BICRA: variants seen among roughly 807,000 people sequenced by gnomAD.
BICRA encodes the protein BRD4 interacting chromatin remodeling complex associated protein.
In BICRA, 31 loss-of-function variants were observed where a neutral mutation model predicts 96.9. The ratio of observed to expected loss-of-function variants is 0.32; its 90% confidence interval spans 0.24 to 0.43. The LOEUF (loss-of-function observed/expected upper bound fraction) is 0.43, where lower values mean the gene tolerates loss of function less well. Among genes scored for constraint, BICRA ranks in the 20% least tolerant of loss-of-function variants. BICRA has a pLI of 1.00. For missense variants in BICRA, 2,283 were observed against 2,190.3 expected (o/e 1.04, Z -0.84); for synonymous variants, 1,350 against 1,071.8 (o/e 1.26, Z -5.07).
At position 47,610,608 on chromosome 19, in the gene BICRA, A is replaced by AC. The variant is rs35080234; in HGVS notation, c.-108+1450dup. ...GTCCTGACCATCGTCCCCTTTTGTC[A>AC]CCCCCCCCCCACACACACACCTACC... On this transcript the variant is annotated intron_variant, in intron 1 of 14. Transcript: ENST00000594866. 1.2e-3 allele frequency among the ~76,000 whole-genome samples: 168 copies of AC among 135,060 alleles called. 2 individuals are homozygous for AC. Among genetic ancestry groups the AC allele is most frequent in the East Asian group, 2.7e-3 (12 of 4,504 alleles). 88.6% of individuals were successfully genotyped at this position (135,060 alleles called of 152,430 possible).
At chr19:47,623,961 C>T (rs114364806) in intron 1 of BICRA, among the ~76,000 whole-genome samples, 1,524 of 151,824 alleles carry the variant, frequency 0.01, 27 homozygotes, top group African/African-American at 0.034. Flanking sequence ...AAGAGATTCT[C>T]GTGCCTCAGC....
At chr19:47,685,077 C>T (rs1484834726) in intron 7 of BICRA, among the ~76,000 whole-genome samples, 1 of 152,124 alleles carries the variant, frequency 6.6e-6, no homozygotes, top group African/African-American at 2.4e-5. Flanking sequence ...TTAAGTGATC[C>T]TCCCACCTCA....
At chr19:47,638,843 C>T (rs1383964548) in intron 1 of BICRA, among the ~76,000 whole-genome samples, 3 of 151,870 alleles carry the variant, frequency 2.0e-5, no homozygotes, top group Admixed American at 6.6e-5. Context: ...TCAGTAGAAA[C>T]GGGGTTTCAC....
At chr19:47,641,070 A>ATTTTTTTTTTTTTTTTTTTTTTTTTTTT (rs71180861) in intron 1 of BICRA, among the ~76,000 whole-genome samples, 1 of 104,550 alleles carries the variant, frequency 9.6e-6, no homozygotes, top group African/African-American at 3.9e-5. Flanking sequence ...TGCCTGGCTA[A>ATTTTTTTTTTTTTTTTTTTTTTTTTTTT]TTTTTTTTTT....
intron 7 of BICRA, among the ~76,000 whole-genome samples, chr19:47,685,759 G>A (rs1187629197): frequency 7.9e-6 from 1 of 126,822 alleles, no homozygotes; most frequent in Non-Finnish European, 1.6e-5. Context: ...GTGTGTGTGT[G>A]TGTGTGTGTG....
Position 47,681,323 on chromosome 19 carries a change from G to C in BICRA, c.2106+47G>C, listed in dbSNP as rs561964673. The C allele has an allele frequency of 2.7e-6, 4 of 1,489,404 alleles. No individual in the cohort carries two copies. The Admixed American group carries it at 5.9e-5, about 22-fold the overall frequency. The allele number at this position is 1,489,404 out of a possible 1,614,324, so 92.3% of individuals were successfully genotyped here. On this transcript the variant is annotated intron_variant, in intron 6 of 14. Transcript: ENST00000594866. ...AGCAGGTACCGGAGGAGGCGGGTTT[G>C]GGAGGAAGAGGGGTCCTGGGGCGAG... is the stretch of plus-strand genomic sequence containing the variant.
rs549577847 is a variant in BICRA, at chr19:47,626,571, G to GTTT, written c.-108+17420_-108+17422dup. ...GCCACCATGGCCCGCTAATTTTTTG[G>GTTT]TTTTTTTTTTTTTTTTTTTAGAGAC... is the stretch of plus-strand genomic sequence containing the variant. On this transcript the variant is annotated intron_variant, in intron 1 of 14. Coordinates refer to ENST00000594866, the MANE Select transcript of BICRA (RefSeq NM_001394372.1). Among the ~76,000 whole-genome samples the GTTT allele has an allele frequency of 5.6e-3, 708 of 126,588 alleles. 9 individuals carry two copies. Among genetic ancestry groups the GTTT allele is most frequent in the South Asian group, 0.012 (48 of 3,884 alleles). The allele number at this position is 126,588 out of a possible 152,430, so 83.0% of individuals were successfully genotyped here.
In BICRA at chr19:47,699,387, C is replaced by T. The variant is rs752814980; in HGVS notation, c.3577C>T (p.Leu1193=). 5.1e-6 allele frequency: 8 copies of T among 1,559,380 alleles called. No individual in the cohort carries two copies. In the East Asian group the frequency reaches 1.4e-4, roughly 28 times the overall value. Residue 1193 remains leucine (L), a synonymous_variant, in exon 14 of 15, where the codon CTG becomes TTG. Coordinates refer to ENST00000594866, the MANE Select transcript of BICRA (RefSeq NM_001394372.1). This position sits in a 1 kb window ranked among gnomAD's most constrained non-coding sequence, Gnocchi z 5.0. The part of the protein sequence containing the change: ...EKTTLALDKQ[L]AKEKPDEYVS... ...GACCACCCTTGCCTTGGATAAACAG[C>T]TGGCCAAGGAGAAGCCGGGTGAGAG...
chr19:47,658,867 A>AT lies in BICRA; in HGVS notation c.-107-11569dup, dbSNP rs67767042. Among the ~76,000 whole-genome samples, 3 of 151,994 alleles carry AT rather than the reference A, an allele frequency of 2.0e-5. No individual in the cohort carries two copies. The East Asian group carries it at 5.8e-4, about 29-fold the overall frequency. ...TTTCCCCTTTGCTTCCCTTAGCTGC[A>AT]TTTTTTTCCCCTGAATTCGAAGCCT... On this transcript the variant is annotated intron_variant, in intron 1 of 14. Coordinates refer to ENST00000594866, the MANE Select transcript of BICRA (RefSeq NM_001394372.1).
intron 1 of BICRA, among the ~76,000 whole-genome samples, chr19:47,624,753 G>A (rs1054044406): frequency 6.6e-6 from 1 of 151,658 alleles, no homozygotes; most frequent in Non-Finnish European, 1.5e-5. Flanking sequence ...GGAATGCAGT[G>A]GTGTGATCAT....
chr19:47,682,136 C>G lies in BICRA; in HGVS notation c.2267C>G (p.Pro756Arg). The change falls in exon 7 of 15, where the codon CCG becomes CGG. Residue 756 changes from proline (P) to arginine (R), a missense_variant. Transcript: ENST00000594866. ...CAGGCCCCCGACAGCCAGGCTTCCC[C>G]GGCTCCGGCCCCCCAGGTAGAGGGA... ...GPQAPDSQAS[P>R]APAPQIPAAA... 1 of 1,473,618 alleles carries G rather than the reference C, an allele frequency of 6.8e-7. No individual in the cohort carries two copies. The allele number at this position is 1,473,618 out of a possible 1,614,324, so 91.3% of individuals were successfully genotyped here.
intron 1 of BICRA, among the ~76,000 whole-genome samples, chr19:47,646,874 C>A (rs1370375904): frequency 6.6e-6 from 1 of 152,066 alleles, no homozygotes; most frequent in East Asian, 1.9e-4. Flanking sequence ...AGAGTTATAA[C>A]CATCACCATA....
intron 1 of BICRA, chr19:47,662,615 G>C (rs1396307465): frequency 6.6e-6 from 1 of 152,284 alleles, no homozygotes. Context: ...AGGTTGCAGT[G>C]AGCCGAGATC....
At position 47,694,457 on chromosome 19, in the gene BICRA, G is replaced by A. The variant is rs1450637700; in HGVS notation, c.2626G>A (p.Ala876Thr). 44 of 316,580 alleles carry A rather than the reference G, an allele frequency of 1.4e-4. No individual in the cohort carries two copies. Among genetic ancestry groups the A allele is most frequent in the Admixed American group, 6.2e-4 (16 of 25,888 alleles). 19.6% of individuals were successfully genotyped at this position (316,580 alleles called of 1,614,324 possible). Residue 876 changes from alanine to threonine, a missense_variant, in exon 8 of 15, where the codon GCC becomes ACC. Physicochemically the swap from Ala to Thr is moderately conservative, Grantham distance 58. Coordinates refer to ENST00000594866, the MANE Select transcript of BICRA (RefSeq NM_001394372.1). ...SQPPEGPLPP[A>T]PHLPPSSTSS... is the part of the protein sequence containing the mutation. Reference sequence around the variant, plus strand: ...GCCGCCTGAGGGACCGCTGCCCCCAGCCCCCCACCTCCCTCCATCCTCCAC... The same window carrying A: ...GCCGCCTGAGGGACCGCTGCCCCCAACCCCCCACCTCCCTCCATCCTCCAC...
At position 47,675,385 on chromosome 19, in the gene BICRA, C is replaced by T. The variant is rs1251281557; in HGVS notation, c.85-466C>T. Among the ~76,000 whole-genome samples, 2 of 152,196 alleles carry T rather than the reference C, an allele frequency of 1.3e-5. No homozygotes were observed. Among genetic ancestry groups the T allele is most frequent in the Non-Finnish European group, 2.9e-5 (2 of 68,040 alleles). On this transcript the variant is annotated intron_variant, in intron 4 of 14. Transcript: ENST00000594866. The surrounding 1 kb of genome is among the most constrained non-coding windows in gnomAD (Gnocchi z 4.7). The stretch of plus-strand genomic sequence containing the variant: ...GCTAAGCATCTGAGAATGCCCTGCC[C>T]TTCCAGAGATGGCACCGCATGGCTT...
chr19:47,661,076 G>C (rs1247925515), intron 1 of BICRA, among the ~76,000 whole-genome samples: 2 of 151,950 alleles, frequency 1.3e-5, no homozygotes, highest in African/African-American at 2.4e-5. Flanking sequence ...TTAGCTGGGC[G>C]TGGTTGTGGC....
In BICRA at chr19:47,696,418, G is replaced by A. The variant is rs768473590; in HGVS notation, c.3187-33G>A. On this transcript the variant is annotated intron_variant, in intron 10 of 14. Coordinates refer to ENST00000594866, the MANE Select transcript of BICRA (RefSeq NM_001394372.1). ...GTCGGGGGAGGGAAGGCTTCTGGAG[G>A]CAAAGGCCTCTCACTCGCCTTTCTT... is the stretch of plus-strand genomic sequence containing the variant. 2.6e-6 allele frequency: 4 copies of A among 1,561,370 alleles called. No individual in the cohort carries two copies. The East Asian group carries it at 9.5e-5, about 37-fold the overall frequency.
At chr19:47,650,522 G>A (rs1421600384) in intron 1 of BICRA, among the ~76,000 whole-genome samples, 2 of 152,132 alleles carry the variant, frequency 1.3e-5, no homozygotes, top group Non-Finnish European at 2.9e-5. Flanking sequence ...TTCCCAAAGT[G>A]CTGGGATTAG....
chr19:47,685,825 AAC>A (rs1055396424), intron 7 of BICRA, among the ~76,000 whole-genome samples: 1 of 148,226 alleles, frequency 6.7e-6, no homozygotes, highest in African/African-American at 2.5e-5. Context: ...CCTTTGTGTT[AAC>A]ACAAACAGAA....
Sources: gnomAD v4.1 joint callset for allele counts (sites outside exome capture counted in the v4.1 genomes callset) on GRCh38, gnomAD v4.1.1 for gene constraint, Gnocchi (gnomAD v3.1) non-coding constraint, MANE v1.5 for transcripts, NCBI Gene and HGNC (gene_info 2026-07-23, HGNC 2026-07-21) for gene names.